ABI3BP: variants seen among roughly 807,000 people sequenced by gnomAD.
The protein encoded by ABI3BP is target of Nesh-SH3.
Under a neutral mutation model 268.6 loss-of-function variants are expected in ABI3BP, and 216 were observed. The ratio of observed to expected loss-of-function variants is 0.80; its 90% confidence interval spans 0.72 to 0.90. The LOEUF is 0.90. Among genes scored for constraint, ABI3BP ranks in the 40% least tolerant of loss-of-function variants. The probability of loss-of-function intolerance (pLI) is 0.00; values close to 1 mark genes in which losing one functional copy is unlikely to be tolerated. For missense variants in ABI3BP, 2,090 were observed against 2,182.4 expected (o/e 0.96, Z 0.84); for synonymous variants, 730 against 730.0 (o/e 1.00, Z 0.00).
chr3:100,844,241 G>A (rs1022091530), intron 20 of ABI3BP: 114 of 985,210 alleles, frequency 1.2e-4, no homozygotes, highest in Non-Finnish European at 1.3e-4. Context: ...GTTGGAAGAC[G>A]GTCAAGTGAA....
chr3:100,875,378 T>A (rs2099151097), intron 8 of ABI3BP, 130 bp downstream of exon 8: 2 of 707,522 alleles, frequency 2.8e-6, no homozygotes, highest in Admixed American at 4.5e-5. Context: ...GCCAGGATGC[T>A]AAACAGTGAA....
At chr3:100,820,444 A>C in intron 39 of ABI3BP, 141 bp from the exon 40 acceptor site, 1 of 525,274 alleles carries the variant, frequency 1.9e-6, no homozygotes, top group Non-Finnish European at 3.2e-6. Context: ...TTTTAATTAG[A>C]AACATTCACT....
At chr3:100,775,097 A>G in intron 60 of ABI3BP, 110 bp downstream of exon 60, 2 of 1,267,280 alleles carry the variant, frequency 1.6e-6, no homozygotes, top group Non-Finnish European at 2.1e-6. Context: ...TAATCATAAA[A>G]TGGAGTAAAA....
intron 1 of ABI3BP, among the ~76,000 whole-genome samples, chr3:100,957,528 G>C (rs567521150): frequency 6.6e-6 from 1 of 152,286 alleles, no homozygotes; most frequent in South Asian, 2.1e-4. Flanking sequence ...TTGGTATTTA[G>C]ACGGTATTTA....
chr3:100,964,389 T>C (rs2080449438), intron 1 of ABI3BP, among the ~76,000 whole-genome samples: 1 of 152,206 alleles, frequency 6.6e-6, no homozygotes, highest in Admixed American at 6.5e-5. Context: ...CTTCCTCAAA[T>C]TGGACTATAA....
chr3:100,917,612 G>A (rs2059011088), intron 2 of ABI3BP, among the ~76,000 whole-genome samples: 1 of 152,118 alleles, frequency 6.6e-6, no homozygotes, highest in Non-Finnish European at 1.5e-5. Context: ...GACAAAAAGG[G>A]CCATTAGCCA....
At chr3:100,912,287 A>C (rs1447543336) in intron 2 of ABI3BP, 2 of 154,570 alleles carry the variant, frequency 1.3e-5, no homozygotes, top group Non-Finnish European at 2.8e-5. Context: ...AAAAAAAAAA[A>C]AAAAAAAAAA....
intron 27 of ABI3BP, 79 bp downstream of exon 27, chr3:100,837,045 A>T: frequency 7.7e-7 from 1 of 1,303,976 alleles, no homozygotes; most frequent in Non-Finnish European, 1.0e-6. Flanking sequence ...ACAATTGTGC[A>T]TATTATAGCT....
At chr3:100,990,361 CTG>C (rs2092719240) in intron 1 of ABI3BP, among the ~76,000 whole-genome samples, 1 of 151,942 alleles carries the variant, frequency 6.6e-6, no homozygotes, top group African/African-American at 2.4e-5. Context: ...AATGAGAAAA[CTG>C]AGGCTAACAA....
chr3:100,843,417 TGTGTGA>T (rs200514099), intron 20 of ABI3BP, among the ~76,000 whole-genome samples: 7,306 of 151,372 alleles, frequency 0.048, 215 homozygotes, highest in Non-Finnish European at 0.052. Context: ...TGTGTGTGTG[TGTGTGA>T]GTGAGTCTGT....
intron 11 of ABI3BP, 35 bp downstream of exon 11, chr3:100,864,798 G>GA (rs1560991710): frequency 5.4e-6 from 8 of 1,481,322 alleles, no homozygotes. Context: ...TGTTACTTTT[G>GA]TTTTTTTAGA....
At chr3:100,778,457 A>C (rs2096773026) in intron 58 of ABI3BP, 81 bp from the exon 59 acceptor site, 2 of 1,254,982 alleles carry the variant, frequency 1.6e-6, no homozygotes, top group East Asian at 5.0e-5. Flanking sequence ...GTTTTTAAAA[A>C]TAAAAAATAA....
intron 4 of ABI3BP, among the ~76,000 whole-genome samples, chr3:100,894,965 A>AACAAAAAAAAAAAAAAAAAAAC: frequency 8.3e-6 from 1 of 120,876 alleles, no homozygotes; most frequent in South Asian, 2.8e-4. Context: ...AAAAAAAAAA[A>AACAAAAAAAAAAAAAAAAAAAC]AACAGAAAAA....
chr3:100,958,116 T>C (rs181651958), intron 1 of ABI3BP, among the ~76,000 whole-genome samples: 14 of 152,296 alleles, frequency 9.2e-5, no homozygotes, highest in Admixed American at 6.5e-4. Context: ...AAGTGCAGAG[T>C]TGGAACTCAT....
Position 100,753,715 on chromosome 3 carries a change from C to CT in ABI3BP, c.4960+103dup, listed in dbSNP as rs964882745. The CT allele has an allele frequency of 2.3e-6, 3 of 1,279,088 alleles. No homozygotes were observed. The African/African-American group carries it at 4.4e-5, about 19-fold the overall frequency. The allele number at this position is 1,279,088 out of a possible 1,614,324, so 79.2% of individuals were successfully genotyped here. ...ACAACTGTTTGGTGTTATAAGAAGA[C>CT]TAAGTGGAAAAACGCGAAATCATGA... On this transcript the variant is annotated intron_variant, in intron 65 of 67. Coordinates refer to ENST00000471714, the MANE Select transcript of ABI3BP (RefSeq NM_001375547.2).
intron 51 of ABI3BP, among the ~76,000 whole-genome samples, chr3:100,803,696 T>C (rs936888982): frequency 6.6e-6 from 1 of 152,228 alleles, no homozygotes; most frequent in South Asian, 2.1e-4. Context: ...TATAACAAAT[T>C]AATTTCCACA....
rs555763705 is a variant in ABI3BP at position 100,775,620 on chromosome 3, G to A, written c.4334-285C>T. Among the ~76,000 whole-genome samples, 20 of 152,194 alleles carry A rather than the reference G, an allele frequency of 1.3e-4. No individual in the cohort carries two copies. The South Asian group carries it at 2.5e-3, about 19-fold the overall frequency. ...CTGTGAGGAAAGATGGAGGGTTGTC[G>A]GTTTGGAGTGGGCAGAGAAATGCCT... On this transcript the variant is annotated intron_variant, in intron 59 of 67. Transcript: ENST00000471714.
chr3:100,959,070 A>C (rs996545908), intron 1 of ABI3BP, among the ~76,000 whole-genome samples: 2 of 152,190 alleles, frequency 1.3e-5, no homozygotes, highest in Non-Finnish European at 2.9e-5. Context: ...AGCCAGAATA[A>C]GGGAACAGGA....
intron 1 of ABI3BP, among the ~76,000 whole-genome samples, chr3:100,972,894 C>T (rs1475932232): frequency 1.3e-5 from 2 of 152,180 alleles, no homozygotes; most frequent in East Asian, 3.8e-4. Flanking sequence ...TATTTGTGGA[C>T]ATGTGAGGAA....
Sources: gnomAD v4.1 joint callset for allele counts (sites outside exome capture counted in the v4.1 genomes callset) on GRCh38, gnomAD v4.1.1 for gene constraint, MANE v1.5 for transcripts, NCBI Gene and HGNC (gene_info 2026-07-23, HGNC 2026-07-21) for gene names.